The following RAPGEF5 variants were observed in gnomAD, a reference collection of about 807,000 sequenced individuals.
RAPGEF5 encodes M-Ras-regulated GEF.
In RAPGEF5, 65 loss-of-function variants were observed where a neutral mutation model predicts 125.2. The observed-to-expected ratio is 0.52, with a 90% CI of 0.43 to 0.64. The LOEUF is 0.64. Among genes scored for constraint, RAPGEF5 ranks in the 30% least tolerant of loss-of-function variants. RAPGEF5 has a pLI of 0.00. For synonymous variants in RAPGEF5, 391 were observed against 385.9 expected (o/e 1.01, Z -0.16); for missense variants, 958 against 1,048.1 (o/e 0.91, Z 1.19).
At chr7:22,178,177 ACATATT>A in intron 11 of RAPGEF5, among the ~76,000 whole-genome samples, 1 of 152,336 alleles carries the variant, frequency 6.6e-6, no homozygotes, top group African/African-American at 2.4e-5. Context: ...GACCAGTTAC[ACATATT>A]TATATTTTTT....
At chr7:22,183,026 A>G (rs1784720094) in intron 11 of RAPGEF5, among the ~76,000 whole-genome samples, 1 of 152,174 alleles carries the variant, frequency 6.6e-6, no homozygotes, top group African/African-American at 2.4e-5. Flanking sequence ...TAATCCCAGC[A>G]TTTTGGGAGG....
chr7:22,304,348 A>G (rs1177013273), intron 5 of RAPGEF5, among the ~76,000 whole-genome samples: 1 of 152,200 alleles, frequency 6.6e-6, no homozygotes, highest in Non-Finnish European at 1.5e-5. Context: ...ACCAACAGAA[A>G]AAACTTGCTG....
intron 5 of RAPGEF5, among the ~76,000 whole-genome samples, chr7:22,306,198 C>G (rs1002320685): frequency 6.6e-6 from 1 of 152,190 alleles, no homozygotes; most frequent in Non-Finnish European, 1.5e-5. Context: ...TCTCTGCATC[C>G]TCCTCAGCAT....
chr7:22,219,747 A>G (rs921261854), intron 9 of RAPGEF5, 119 bp downstream of exon 9: 16 of 1,333,252 alleles, frequency 1.2e-5, no homozygotes, highest in African/African-American at 1.0e-4. Context: ...TCTTGGGGGG[A>G]AAAAAACCCC....
chr7:22,285,338 C>A lies in RAPGEF5; in HGVS notation c.747+5837G>T, dbSNP rs1437750364. Among the ~76,000 whole-genome samples, 3 of 152,026 alleles carry A rather than the reference C, an allele frequency of 2.0e-5. No homozygotes were observed. In the South Asian group the frequency reaches 6.2e-4, roughly 32 times the overall value. On this transcript the variant is annotated intron_variant, in intron 6 of 25. Coordinates refer to ENST00000665637, the MANE Select transcript of RAPGEF5 (RefSeq NM_012294.5). ...ACCATCTGTATTCAACATGACAAATCCCCCCAACTTTCATTCAACGAAGAT... is the reference window on the plus strand; with the variant it reads ...ACCATCTGTATTCAACATGACAAATACCCCCAACTTTCATTCAACGAAGAT...
At position 22,173,654 on chromosome 7, in the gene RAPGEF5, G is replaced by T. The variant is rs531662905; in HGVS notation, c.1205-6506C>A. On this transcript the variant is annotated intron_variant, in intron 11 of 25. Transcript: ENST00000665637. Reference sequence around the variant, plus strand: ...TGTCATTCCGTCTTCAAGAAAGAATGATTTGAATACAACAGGTATTCCGTT... The same window carrying T: ...TGTCATTCCGTCTTCAAGAAAGAATTATTTGAATACAACAGGTATTCCGTT... Among the ~76,000 whole-genome samples, 4 of 152,268 alleles carry T rather than the reference G, an allele frequency of 2.6e-5. No homozygotes were observed. The East Asian group carries it at 7.7e-4, about 29-fold the overall frequency.
chr7:22,311,156 G>A (rs1783461337), intron 3 of RAPGEF5, among the ~76,000 whole-genome samples: 3 of 152,098 alleles, frequency 2.0e-5, no homozygotes, highest in African/African-American at 7.2e-5. Flanking sequence ...CTCCTGAGTA[G>A]CTAGGAGTAC....
chr7:22,297,697 A>G (rs1361698641), intron 5 of RAPGEF5, among the ~76,000 whole-genome samples: 2 of 152,236 alleles, frequency 1.3e-5, no homozygotes, highest in East Asian at 1.9e-4. Context: ...TTTTATGTAT[A>G]TAACTATGTC....
At chr7:22,129,318 C>T (rs1190375633) in intron 24 of RAPGEF5, among the ~76,000 whole-genome samples, 11 of 152,190 alleles carry the variant, frequency 7.2e-5, no homozygotes, top group Non-Finnish European at 1.0e-4. Context: ...TGTTCTCCCA[C>T]GGCCCCTTGG....
At chr7:22,162,159 T>C (rs561973422) in intron 13 of RAPGEF5, among the ~76,000 whole-genome samples, 1 of 152,104 alleles carries the variant, frequency 6.6e-6, no homozygotes, top group Non-Finnish European at 1.5e-5. Context: ...TATCAAATTT[T>C]GAATGTTTTG....
At chr7:22,352,220 A>G (rs1784343411) in intron 1 of RAPGEF5, among the ~76,000 whole-genome samples, 1 of 152,198 alleles carries the variant, frequency 6.6e-6, no homozygotes, top group African/African-American at 2.4e-5. Flanking sequence ...CAGCATTTTG[A>G]CAGTATATAC....
intron 5 of RAPGEF5, among the ~76,000 whole-genome samples, chr7:22,301,826 C>A (rs73282251): frequency 0.019 from 2,916 of 152,128 alleles, 81 homozygotes; most frequent in African/African-American, 0.066. Context: ...AACTGTATGA[C>A]ATATTTTCAT....
intron 7 of RAPGEF5, among the ~76,000 whole-genome samples, chr7:22,247,122 T>C (rs1256996986): frequency 6.6e-6 from 1 of 152,240 alleles, no homozygotes; most frequent in Non-Finnish European, 1.5e-5. Flanking sequence ...GCTTGTACAC[T>C]GTTGGTGAGA....
At chr7:22,246,594 T>TA in intron 7 of RAPGEF5, among the ~76,000 whole-genome samples, 1 of 152,128 alleles carries the variant, frequency 6.6e-6, no homozygotes, top group South Asian at 2.1e-4. Flanking sequence ...ATTAAAGATT[T>TA]AAATGTAAGA....
chr7:22,137,057 T>A (rs1783102435), intron 21 of RAPGEF5, 74 bp from the exon 22 acceptor site: 3 of 1,115,464 alleles, frequency 2.7e-6, no homozygotes, highest in Non-Finnish European at 1.3e-6. Context: ...AAGGGAGTTT[T>A]CATTACGTTG....
At chr7:22,211,364 TG>T (rs1270732203) in intron 9 of RAPGEF5, among the ~76,000 whole-genome samples, 1 of 152,238 alleles carries the variant, frequency 6.6e-6, no homozygotes, top group African/African-American at 2.4e-5. Context: ...TCTGCCTGCA[TG>T]GTGTTTATTA....
chr7:22,151,944 T>C (rs533119988), intron 17 of RAPGEF5, among the ~76,000 whole-genome samples: 2 of 152,310 alleles, frequency 1.3e-5, no homozygotes, highest in East Asian at 1.9e-4. Flanking sequence ...AGCCCTCTTA[T>C]AACATAATAG....
chr7:22,183,058 AG>A (rs1437378516), intron 11 of RAPGEF5, among the ~76,000 whole-genome samples: 6 of 152,076 alleles, frequency 3.9e-5, no homozygotes, highest in Non-Finnish European at 1.5e-5. Flanking sequence ...GGATCACCTG[AG>A]GTCAGGAGCT....
At chr7:22,146,800 T>A (rs1187939987) in intron 19 of RAPGEF5, 97 bp downstream of exon 19, 3 of 1,388,742 alleles carry the variant, frequency 2.2e-6, no homozygotes, top group Non-Finnish European at 2.9e-6. Context: ...GACCACGTTA[T>A]TCTAGCATAA....
Sources: allele counts gnomAD v4.1 joint callset (sites outside exome capture counted in the v4.1 genomes callset), GRCh38; gene constraint gnomAD v4.1.1; transcripts MANE v1.5; gene names NCBI Gene and HGNC (gene_info 2026-07-23, HGNC 2026-07-21).